The following KPNA3 variants were observed in gnomAD, a reference collection of about 807,000 sequenced individuals.
KPNA3 encodes karyopherin subunit alpha 3, also known as importin subunit alpha-4.
In KPNA3, 13 loss-of-function variants were observed where a neutral mutation model predicts 73.8. That is an observed-to-expected ratio of 0.18 (90% CI 0.11 to 0.28). KPNA3 has a LOEUF of 0.28. Ranked by LOEUF, KPNA3 falls within the 10% of genes least tolerant of loss-of-function variation. The pLI is 1.00. For missense variants in KPNA3, 360 were observed against 618.1 expected (o/e 0.58, Z 4.43); for synonymous variants, 186 against 206.9 (o/e 0.90, Z 0.87).
chr13:49,786,798 A>G (rs1187351179), intron 1 of KPNA3, among the ~76,000 whole-genome samples: 3 of 152,240 alleles, frequency 2.0e-5, no homozygotes, highest in South Asian at 2.1e-4. Flanking sequence ...AAGGACTTTT[A>G]TCCTGAAGTC....
chr13:49,790,354 C>G (rs1474632531), intron 1 of KPNA3, among the ~76,000 whole-genome samples: 1 of 152,166 alleles, frequency 6.6e-6, no homozygotes, highest in East Asian at 1.9e-4. Context: ...GTAGTCCCAG[C>G]TACTTGGGAG....
chr13:49,757,567 A>C (rs895014808), intron 1 of KPNA3, among the ~76,000 whole-genome samples: 4 of 152,182 alleles, frequency 2.6e-5, no homozygotes, highest in African/African-American at 9.7e-5. Context: ...GAGAGTTTTC[A>C]TACATTGCTT....
rs751904583 is a variant in KPNA3, at chr13:49,792,550, G to GGCC, written c.-45_-44insGGC. ...CGGCGGCTACTCCTGCGGCTGCGGC[G>GGCC]GCGGCGGCGGCGAATCTTGGAGCGG... On this transcript the variant is annotated 5_prime_UTR_variant, in exon 1 of 17. Transcript: ENST00000261667. 9.4e-6 allele frequency: 13 copies of GGCC among 1,386,642 alleles called. No homozygotes were observed. In the East Asian group the frequency reaches 3.5e-4, roughly 37 times the overall value. 85.9% of individuals were successfully genotyped at this position (1,386,642 alleles called of 1,614,324 possible). A position where few individuals can be genotyped will look rare whatever the true frequency, so the allele number is the denominator to read the frequency against.
chr13:49,756,025 C>T (rs554041123), intron 1 of KPNA3, among the ~76,000 whole-genome samples: 3 of 152,122 alleles, frequency 2.0e-5, no homozygotes, highest in East Asian at 1.9e-4. Flanking sequence ...CCCAGCACTT[C>T]GGGAGGCCGA....
In KPNA3 at chr13:49,732,406, TA is replaced by T; in HGVS notation, c.347del (p.Leu116TyrfsTer4). Reference protein sequence around the residue: ...PIDDLIKSGILPILVKCLERD... With the variant: ...PIDDLIKSGIXPILVKCLERD... Reference sequence around the variant, plus strand: ...TTTCTAGACATTTGACTAGAATTGGTAAAATCCCAGATTTTATTAAGTCATC... The same window carrying T: ...TTTCTAGACATTTGACTAGAATTGGTAAATCCCAGATTTTATTAAGTCATC... On this transcript the variant is annotated frameshift_variant, in exon 6 of 17. Transcript: ENST00000261667. LOFTEE classifies it high-confidence loss of function. 6.3e-7 allele frequency: 1 copy of T among 1,598,172 alleles called. No individual in the cohort carries two copies. The highest frequency in any genetic ancestry group is 8.6e-7 in the Non-Finnish European group (1 of 1,168,656).
intron 12 of KPNA3, among the ~76,000 whole-genome samples, chr13:49,707,364 T>G (rs1313015756): frequency 6.6e-6 from 1 of 152,192 alleles, no homozygotes; most frequent in Non-Finnish European, 1.5e-5. Context: ...TTAGAGTACA[T>G]GGGTGTTCAC....
intron 1 of KPNA3, among the ~76,000 whole-genome samples, chr13:49,753,287 G>A (rs1954682065): frequency 6.6e-6 from 1 of 151,918 alleles, no homozygotes; most frequent in Non-Finnish European, 1.5e-5. Flanking sequence ...TGAAACTAAC[G>A]GACTTCCAAA....
intron 1 of KPNA3, among the ~76,000 whole-genome samples, chr13:49,760,380 A>C (rs1458062014): frequency 6.8e-6 from 1 of 147,264 alleles, no homozygotes; most frequent in African/African-American, 2.5e-5. Flanking sequence ...ACACCACTGC[A>C]CTCCAGCCTG....
intron 2 of KPNA3, among the ~76,000 whole-genome samples, chr13:49,740,923 T>C (rs1015008246): frequency 6.6e-6 from 1 of 152,184 alleles, no homozygotes; most frequent in African/African-American, 2.4e-5. Flanking sequence ...GCCTGGCTTA[T>C]TTCTGGTAAT....
In KPNA3 at chr13:49,792,478, T is replaced by G; in HGVS notation, c.29A>C (p.His10Pro). The change falls in exon 1 of 17, where the codon CAC (histidine) becomes CCC (proline). Residue 10 changes from histidine (H) to proline (P), a missense_variant. By Grantham distance (77) the His-to-Pro change is moderately conservative. Around this residue, in one of 3 missense-constraint regions of KPNA3, gnomAD observed 35 missense variants for 30.0 expected, o/e 1.17. Transcript: ENST00000261667. MAENPSLEN[H>P]RIKSFKNKGR... ...CTTGTTCTTGAAGCTCTTGATGCGG[T>G]GGTTCTCCAAGCTGGGGTTCTCGGC... 6.3e-7 allele frequency: 1 copy of G among 1,580,994 alleles called. No homozygotes were observed. The highest frequency in any genetic ancestry group is 8.6e-7 in the Non-Finnish European group (1 of 1,165,240).
intron 1 of KPNA3, among the ~76,000 whole-genome samples, chr13:49,751,132 T>C (rs546126668): frequency 6.6e-6 from 1 of 152,330 alleles, no homozygotes; most frequent in South Asian, 2.1e-4. Context: ...GGAAGAGAGA[T>C]GGTTTAAAGG....
chr13:49,786,339 TACAA>T (rs1166747086), intron 1 of KPNA3, among the ~76,000 whole-genome samples: 1 of 152,164 alleles, frequency 6.6e-6, no homozygotes, highest in East Asian at 1.9e-4. Context: ...TTAATAGCTA[TACAA>T]ACACAGAATT....
At chr13:49,772,592 C>G (rs1954864153) in intron 1 of KPNA3, among the ~76,000 whole-genome samples, 1 of 152,156 alleles carries the variant, frequency 6.6e-6, no homozygotes, top group South Asian at 2.1e-4. Context: ...CACCTGAGGT[C>G]AGGAGTTCCA....
At chr13:49,703,104 G>C (rs1031402099) in intron 15 of KPNA3, among the ~76,000 whole-genome samples, 3 of 151,736 alleles carry the variant, frequency 2.0e-5, no homozygotes, top group Non-Finnish European at 4.4e-5. Context: ...TCCTGACCTC[G>C]TGATCTGCCC....
intron 1 of KPNA3, among the ~76,000 whole-genome samples, chr13:49,751,509 T>C (rs547235958): frequency 1.3e-5 from 2 of 152,318 alleles, no homozygotes; most frequent in East Asian, 1.9e-4. Flanking sequence ...ATCTGTGTCA[T>C]CTTTCTCTTG....
At chr13:49,730,232 C>A (rs1420377950) in intron 6 of KPNA3, among the ~76,000 whole-genome samples, 1 of 152,106 alleles carries the variant, frequency 6.6e-6, no homozygotes, top group Non-Finnish European at 1.5e-5. Context: ...GAGAAGTTGG[C>A]CACAAACAAG....
intron 1 of KPNA3, 49 bp downstream of exon 1, chr13:49,792,389 C>G: frequency 7.0e-7 from 1 of 1,420,544 alleles, no homozygotes; most frequent in Non-Finnish European, 9.4e-7. Context: ...CTCCCCGCGT[C>G]GCCGGGCCGG....
At chr13:49,702,595 C>T (rs1954158245) in intron 15 of KPNA3, 115 bp from the exon 16 acceptor site, 1 of 553,514 alleles carries the variant, frequency 1.8e-6, no homozygotes, top group African/African-American at 2.0e-5. Flanking sequence ...CACTGCTCCC[C>T]CATCTAAGAT....
intron 1 of KPNA3, among the ~76,000 whole-genome samples, chr13:49,752,731 T>C (rs1213726677): frequency 1.3e-5 from 2 of 151,340 alleles, no homozygotes; most frequent in Admixed American, 6.6e-5. Flanking sequence ...GAAATGAAGG[T>C]GAAAATTATC....
Sources: allele counts gnomAD v4.1 joint callset (sites outside exome capture counted in the v4.1 genomes callset), GRCh38; gene constraint gnomAD v4.1.1; regional missense constraint gnomAD v4.1.1; transcripts MANE v1.5; gene names NCBI Gene and HGNC (gene_info 2026-07-23, HGNC 2026-07-21).